Variants in GBP1 observed in about 807,000 individuals in gnomAD.
GBP1 encodes guanylate-binding protein 1.
In GBP1, 64 loss-of-function variants were observed where a neutral mutation model predicts 69.5. That is an observed-to-expected ratio of 0.92 (90% confidence interval 0.75 to 1.13). GBP1 has a LOEUF of 1.13. Ranked by LOEUF, GBP1 falls within the 50% of genes most tolerant of loss-of-function variation. The probability of loss-of-function intolerance (pLI) is 0.00; values close to 1 mark genes in which losing one functional copy is unlikely to be tolerated. For missense variants in GBP1, 630 were observed against 704.1 expected (o/e 0.89, Z 1.19); for synonymous variants, 250 against 261.2 (o/e 0.96, Z 0.41).
At chr1:89,060,933 C>T (rs2101231714) in intron 2 of GBP1, among the ~76,000 whole-genome samples, 1 of 152,218 alleles carries the variant, frequency 6.6e-6, no homozygotes, top group Admixed American at 6.5e-5. Flanking sequence ...GGAAACAATC[C>T]AATTTAACAG....
intron 7 of GBP1, 59 bp downstream of exon 7, chr1:89,056,795 T>C (rs766528587): frequency 2.0e-6 from 3 of 1,533,318 alleles, no homozygotes; most frequent in Non-Finnish European, 2.7e-6. Flanking sequence ...TAGTTTTCTT[T>C]CCTTGTGGTA....
intron 3 of GBP1, 143 bp from the exon 4 acceptor site, chr1:89,059,569 A>G (rs888200332): frequency 3.9e-6 from 3 of 775,298 alleles, no homozygotes; most frequent in South Asian, 2.2e-5. Flanking sequence ...CTAATGACCT[A>G]TTAAAGGAAG....
At position 89,052,497 on chromosome 1, in the gene GBP1, G is replaced by A. The variant is rs1679944381; in HGVS notation, c.*858C>T. ...CTGGGGAAACTCAGAAAGTTTTCAA[G>A]TATGAGTGTTAAGAGTTAGAAAAGA... On this transcript the variant is annotated 3_prime_UTR_variant, in exon 11 of 11. Coordinates refer to ENST00000370473, the MANE Select transcript of GBP1 (RefSeq NM_002053.3). 1 of 152,182 alleles carries A rather than the reference G, an allele frequency of 6.6e-6. No individual in the cohort carries two copies. The highest frequency in any genetic ancestry group is 2.4e-5 in the African/African-American group (1 of 41,454). 9.4% of individuals were successfully genotyped at this position (152,182 alleles called of 1,614,324 possible). A position where few individuals can be genotyped will look rare whatever the true frequency, so the allele number is the denominator to read the frequency against.
At chr1:89,058,391 A>G (rs1680098991) in intron 5 of GBP1, 157 bp from the exon 6 acceptor site, 1 of 640,932 alleles carries the variant, frequency 1.6e-6, no homozygotes. Flanking sequence ...ACAATATGTA[A>G]ATGAATGGGC....
chr1:89,056,005 A>G lies in GBP1; in HGVS notation c.1368+11T>C, dbSNP rs373720278. The G allele has an allele frequency of 1.4e-5, 23 of 1,613,728 alleles. No individual in the cohort carries two copies. In the African/African-American group the frequency reaches 3.1e-4, roughly 22 times the overall value. On this transcript the variant is annotated intron_variant, in intron 8 of 10. Transcript: ENST00000370473. ...GCAGCTTTCCATAATTGACAGATAA[A>G]TCTTGGTTACCTGTATCCCCTTCCT...
At chr1:89,054,393 C>T (rs1679990604) in intron 10 of GBP1, among the ~76,000 whole-genome samples, 1 of 148,564 alleles carries the variant, frequency 6.7e-6, no homozygotes, top group Non-Finnish European at 1.5e-5. Context: ...AGCCACAATG[C>T]CCCACCGAGA....
intron 5 of GBP1, 103 bp downstream of exon 5, chr1:89,058,738 A>G (rs1680106759): frequency 8.5e-7 from 1 of 1,176,218 alleles, no homozygotes; most frequent in Non-Finnish European, 1.3e-6. Context: ...CCAGCTGAAG[A>G]CATAGAAAAC....
rs1426426396 is a variant in GBP1, at chr1:89,064,257, G to GAT, written c.-20+902_-20+903insAT. On this transcript the variant is annotated intron_variant, in intron 1 of 10. Transcript: ENST00000370473. Reference sequence around the variant, plus strand: ...TGTGTGTGTGAGAGAGAGAGAGAGAGAGAGAGAGAGAGAGAGAGGAGCTGT... The same window carrying GAT: ...TGTGTGTGTGAGAGAGAGAGAGAGAGATAGAGAGAGAGAGAGAGAGGAGCTGT... Among the ~76,000 whole-genome samples the GAT allele has an allele frequency of 2.4e-4, 36 of 150,934 alleles. 1 individual carries two copies. In the East Asian group the frequency reaches 5.1e-3, roughly 21 times the overall value.
chr1:89,053,612 A>ATAGG, intron 10 of GBP1, 144 bp from the exon 11 acceptor site: 3 of 1,280,056 alleles, frequency 2.3e-6, no homozygotes, highest in Non-Finnish European at 2.1e-6. Context: ...CCTATCATTG[A>ATAGG]CCAAAGCACA....
intron 2 of GBP1, among the ~76,000 whole-genome samples, chr1:89,061,986 TA>T (rs142975286): frequency 0.3 from 43,178 of 144,592 alleles, 6,279 homozygotes; most frequent in African/African-American, 0.32. Context: ...ATGGCCACTA[TA>T]AAAAAAAAAA....
intron 6 of GBP1, among the ~76,000 whole-genome samples, chr1:89,057,609 A>G (rs1395242668): frequency 6.6e-6 from 1 of 152,244 alleles, no homozygotes; most frequent in Non-Finnish European, 1.5e-5. Flanking sequence ...GGAATGTTGT[A>G]TATGTGCTTT....
In GBP1 at chr1:89,056,106, A is replaced by G; in HGVS notation, c.1278T>C (p.Ile426=). ...SPLEEEVKAG[I]YSKPGGYRLF... ...GACGATAGCCCCCTGGTTTCGAATA[A>G]ATTCCCGCCTTCACTTCTTCTTCTA... The change falls in exon 8 of 11, where the codon ATT becomes ATC. Residue 426 remains isoleucine (I), a synonymous_variant. Coordinates refer to ENST00000370473, the MANE Select transcript of GBP1 (RefSeq NM_002053.3). 1 of 1,613,954 alleles carries G rather than the reference A, an allele frequency of 6.2e-7. No homozygotes were observed. Among genetic ancestry groups the G allele is most frequent in the Non-Finnish European group, 8.5e-7 (1 of 1,179,864 alleles).
At chr1:89,061,509 A>T (rs1479802400) in intron 2 of GBP1, among the ~76,000 whole-genome samples, 1 of 152,176 alleles carries the variant, frequency 6.6e-6, no homozygotes, top group Non-Finnish European at 1.5e-5. Flanking sequence ...TATGAACTCA[A>T]AATGGATCAA....
At chr1:89,055,870 C>A in intron 8 of GBP1, 146 bp downstream of exon 8, 1 of 954,898 alleles carries the variant, frequency 1.0e-6, no homozygotes, top group South Asian at 1.5e-5. Flanking sequence ...TCTGGTATAA[C>A]AGCCTGTTTG....
At chr1:89,055,826 G>T in intron 8 of GBP1, 190 bp downstream of exon 8, 1 of 673,792 alleles carries the variant, frequency 1.5e-6, no homozygotes. Flanking sequence ...ATAGTTAATT[G>T]ACTGCACTCT....
Position 89,053,252 on chromosome 1 carries a change from A to T in GBP1, c.*103T>A. The stretch of plus-strand genomic sequence containing the variant: ...CATGCCTTTATAAACTTTTGGTGTT[A>T]TGATGCAAGATCTAATTATTATCAA... On this transcript the variant is annotated 3_prime_UTR_variant, in exon 11 of 11. Transcript: ENST00000370473. 1 of 769,704 alleles carries T rather than the reference A, an allele frequency of 1.3e-6. No individual in the cohort carries two copies. The highest frequency in any genetic ancestry group is 2.1e-6 in the Non-Finnish European group (1 of 485,300). The allele number at this position is 769,704 out of a possible 1,614,324, so 47.7% of individuals were successfully genotyped here.
At chr1:89,058,314 T>C (rs1680097750) in intron 5 of GBP1, 80 bp from the exon 6 acceptor site, 4 of 1,237,726 alleles carry the variant, frequency 3.2e-6, no homozygotes, top group Non-Finnish European at 4.5e-6. Context: ...TATTTTAGGC[T>C]CTTCAGGCTG....
intron 5 of GBP1, 108 bp downstream of exon 5, chr1:89,058,733 T>G: frequency 1.8e-6 from 2 of 1,122,596 alleles, no homozygotes; most frequent in Non-Finnish European, 2.7e-6. Flanking sequence ...AATAGCCAGC[T>G]GAAGACATAG....
At chr1:89,054,931 C>G (rs35796027) in intron 9 of GBP1, 56 bp from the exon 10 acceptor site, 603 of 1,584,556 alleles carry the variant, frequency 3.8e-4, no homozygotes, top group Non-Finnish European at 4.6e-4. Context: ...TTGCCTCATT[C>G]TTCCTTATAC....
Sources: gnomAD v4.1 joint callset for allele counts (sites outside exome capture counted in the v4.1 genomes callset) on GRCh38, gnomAD v4.1.1 for gene constraint, MANE v1.5 for transcripts, NCBI Gene and HGNC (gene_info 2026-07-23, HGNC 2026-07-21) for gene names.